The following ERG variants were observed in gnomAD, a reference collection of about 807,000 sequenced individuals.
ERG encodes transcriptional regulator ERG.
ERG carries 9 observed loss-of-function variants against 55.3 expected under a neutral mutation model. The observed-to-expected ratio is 0.16, with a 90% CI of 0.10 to 0.28. The LOEUF (loss-of-function observed/expected upper bound fraction) is 0.28, where lower values mean the gene tolerates loss of function less well. ERG is among the 10% of genes least tolerant of loss of function. The pLI, the probability that ERG is intolerant of heterozygous loss-of-function variation, is 1.00. For synonymous variants in ERG, 223 were observed against 237.3 expected (o/e 0.94, Z 0.55); for missense variants, 434 against 631.6 (o/e 0.69, Z 3.35).
At chr21:38,625,371 T>A (rs1356318906) in intron 1 of ERG, among the ~76,000 whole-genome samples, 2 of 152,196 alleles carry the variant, frequency 1.3e-5, no homozygotes, top group African/African-American at 4.8e-5. Context: ...AATTTTACTT[T>A]AAATTTTGGG....
chr21:38,503,898 C>T (rs1053674003), intron 2 of ERG, among the ~76,000 whole-genome samples: 1 of 152,124 alleles, frequency 6.6e-6, no homozygotes, highest in African/African-American at 2.4e-5. Flanking sequence ...ACTCTCAGCC[C>T]TCAAGGGCAC....
At chr21:38,377,501 A>G (rs2146400944), downstream of ERG, among the ~76,000 whole-genome samples, 1 of 152,362 alleles carries the variant, frequency 6.6e-6, no homozygotes, top group East Asian at 1.9e-4. Flanking sequence ...CCCACCTCCA[A>G]ACCTTTCAAA....
chr21:38,450,113 C>T lies in ERG; in HGVS notation c.19-4492G>A, dbSNP rs546550365. Among the ~76,000 whole-genome samples, 327 of 151,372 alleles carry T rather than the reference C, an allele frequency of 2.2e-3. 1 individual carries two copies. The highest frequency in any genetic ancestry group is 6.8e-3 in the African/African-American group (280 of 41,226). Reference sequence around the variant, plus strand: ...GCTTAAAAAAAAAAAAATCTTGGTTCGGGCATGGTGGCTCACCCCTGTAAT... The same window carrying T: ...GCTTAAAAAAAAAAAAATCTTGGTTTGGGCATGGTGGCTCACCCCTGTAAT... On this transcript the variant is annotated intron_variant, in intron 1 of 9. Transcript: ENST00000288319.
chr21:38,382,316 C>T lies in ERG; in HGVS notation c.*1087G>A. On this transcript the variant is annotated 3_prime_UTR_variant, in exon 10 of 10. Transcript: ENST00000288319. ...TCAAAGGAAAACTGGAGGCCGCCTA[C>T]CCAAAATGCCTGCGTGATTTCTGAT... 9.5e-7 allele frequency: 1 copy of T among 1,056,412 alleles called. No individual in the cohort carries two copies. Among genetic ancestry groups the T allele is most frequent in the Non-Finnish European group, 1.1e-6 (1 of 873,528 alleles). The allele number at this position is 1,056,412 out of a possible 1,614,324, so 65.4% of individuals were successfully genotyped here. A position where few individuals can be genotyped will look rare whatever the true frequency, so the allele number is the denominator to read the frequency against.
chr21:38,521,107 CCAGCCGA>C (rs1480982913), intron 2 of ERG, among the ~76,000 whole-genome samples: 75 of 152,198 alleles, frequency 4.9e-4, no homozygotes, highest in African/African-American at 1.7e-3. Context: ...GACAGAAGAG[CCAGCCGA>C]CAGCACAGAG....
chr21:38,516,458 T>C (rs939181648), intron 2 of ERG, among the ~76,000 whole-genome samples: 4 of 150,810 alleles, frequency 2.7e-5, no homozygotes, highest in African/African-American at 9.7e-5. Flanking sequence ...ATGAAAGAAA[T>C]GGAAAAGGAC....
At chr21:38,598,992 C>T (rs1021101940) in intron 1 of ERG, among the ~76,000 whole-genome samples, 2 of 152,238 alleles carry the variant, frequency 1.3e-5, no homozygotes, top group African/African-American at 2.4e-5. Context: ...ATTTCACATC[C>T]ATGTGCAGAT....
At chr21:38,567,424 A>C (rs1008341563) in intron 2 of ERG, among the ~76,000 whole-genome samples, 2 of 152,206 alleles carry the variant, frequency 1.3e-5, no homozygotes, top group African/African-American at 4.8e-5. Context: ...GAAAAATGAA[A>C]GTACAAAAAA....
intron 2 of ERG, among the ~76,000 whole-genome samples, chr21:38,557,012 G>A (rs778619271): frequency 8.5e-5 from 13 of 152,110 alleles, no homozygotes; most frequent in East Asian, 1.9e-4. Context: ...TAGAGTAGCC[G>A]TCACATAGAG....
chr21:38,610,789 G>A (rs372768452), intron 1 of ERG, among the ~76,000 whole-genome samples: 1 of 152,202 alleles, frequency 6.6e-6, no homozygotes, highest in East Asian at 1.9e-4. Context: ...ACCAACCCAC[G>A]CTGTGTCTCT....
intron 8 of ERG, among the ~76,000 whole-genome samples, chr21:38,391,312 T>C (rs938673309): frequency 6.6e-6 from 1 of 152,176 alleles, no homozygotes; most frequent in East Asian, 1.9e-4. Context: ...CAACCAATGA[T>C]ATAAAGAGGG....
chr21:38,629,304 A>C (rs963448821), intron 1 of ERG, among the ~76,000 whole-genome samples: 2 of 152,234 alleles, frequency 1.3e-5, no homozygotes, highest in Non-Finnish European at 2.9e-5. Context: ...GCATTGATAC[A>C]CTAGGTCTCT....
intron 2 of ERG, among the ~76,000 whole-genome samples, chr21:38,429,761 ACAC>A (rs1349344674): frequency 2.0e-5 from 3 of 151,618 alleles, no homozygotes; most frequent in Non-Finnish European, 4.4e-5. Context: ...ACACACACAC[ACAC>A]CACATTTTCT....
At position 38,528,582 on chromosome 21, in the gene ERG, G is replaced by A. The variant is rs1367702703; in HGVS notation, c.-41+47080C>T. On this transcript the variant is annotated intron_variant, in intron 2 of 8. Transcript: ENST00000398897. The stretch of plus-strand genomic sequence containing the variant: ...CCTGCCTCAGCCTCCCAAGTAGCTG[G>A]GACTACAGGCACCCGCCACTACGCC... Among the ~76,000 whole-genome samples, 7 of 89,718 alleles carry A rather than the reference G, an allele frequency of 7.8e-5. 1 individual carries two copies. The highest frequency in any genetic ancestry group is 2.6e-4 in the African/African-American group (7 of 26,988). The allele number at this position is 89,718 out of a possible 152,430, so 58.9% of individuals were successfully genotyped here.
intron 2 of ERG, among the ~76,000 whole-genome samples, chr21:38,556,371 C>A (rs1175475476): frequency 6.6e-6 from 1 of 151,920 alleles, no homozygotes; most frequent in Non-Finnish European, 1.5e-5. Context: ...ACAGTGACAT[C>A]AAGATTTGTC....
chr21:38,646,831 G>A (rs971569896), intron 1 of ERG, among the ~76,000 whole-genome samples: 1 of 148,130 alleles, frequency 6.8e-6, no homozygotes, highest in Admixed American at 6.6e-5. Flanking sequence ...TTTACTGGAG[G>A]GGAAAGATCA....
chr21:38,408,432 G>A (rs915200835), intron 3 of ERG, among the ~76,000 whole-genome samples: 8 of 152,172 alleles, frequency 5.3e-5, no homozygotes, highest in African/African-American at 1.9e-4. Flanking sequence ...CCTCCTTTGG[G>A]CATCTGTCCT....
intron 3 of ERG, among the ~76,000 whole-genome samples, chr21:38,407,772 CAAAAA>C (rs974604517): frequency 1.9e-3 from 267 of 140,950 alleles, no homozygotes; most frequent in Admixed American, 4.2e-3. Flanking sequence ...AGTAAAAAAA[CAAAAA>C]GAAAAGTTAA....
chr21:38,497,782 G>C lies in ERG; in HGVS notation c.18+581C>G, dbSNP rs540683849. Among the ~76,000 whole-genome samples the C allele has an allele frequency of 4.4e-4, 67 of 152,226 alleles. 2 individuals carry two copies. The highest frequency in any genetic ancestry group is 1.0e-4 in the Non-Finnish European group (7 of 68,012). ...GTATTTTATTGAAGATAAACATATAGTGGAACAAACCAAATTACCCCCATT... is the reference window on the plus strand; with the variant it reads ...GTATTTTATTGAAGATAAACATATACTGGAACAAACCAAATTACCCCCATT... On this transcript the variant is annotated intron_variant, in intron 1 of 9. Coordinates refer to ENST00000288319, the MANE Select transcript of ERG (RefSeq NM_182918.4).
Sources: allele counts gnomAD v4.1 joint callset (sites outside exome capture counted in the v4.1 genomes callset), GRCh38; gene constraint gnomAD v4.1.1; transcripts MANE v1.5; gene names NCBI Gene and HGNC (gene_info 2026-07-23, HGNC 2026-07-21).